NDUFA5: variants seen among roughly 807,000 people sequenced by gnomAD.
NDUFA5 encodes NADH:ubiquinone oxidoreductase subunit A5.
NDUFA5 carries 11 observed loss-of-function variants against 19.8 expected under a neutral mutation model. That is an observed-to-expected ratio of 0.56 (90% confidence interval 0.35 to 0.92). The LOEUF (loss-of-function observed/expected upper bound fraction) is 0.92, where lower values mean the gene tolerates loss of function less well. Among genes scored for constraint, NDUFA5 ranks in the 40% least tolerant of loss-of-function variants. The pLI, the probability that NDUFA5 is intolerant of heterozygous loss-of-function variation, is 0.01. For missense variants in NDUFA5, 109 were observed against 134.2 expected (o/e 0.81, Z 0.93); for synonymous variants, 47 against 46.8 (o/e 1.00, Z -0.01).
At chr7:123,574,811 A>G in the NDUFA5 span, among the ~76,000 whole-genome samples, 2,214 of 152,160 alleles carry the variant, frequency 0.015, 51 homozygotes, top group African/African-American at 0.05. Flanking sequence ...CAGCTTACAC[A>G]TCTTTAAGTA....
chr7:123,576,384 T>C, the NDUFA5 span, among the ~76,000 whole-genome samples: 4 of 152,114 alleles, frequency 2.6e-5, no homozygotes, highest in Non-Finnish European at 5.9e-5. Context: ...TGATCATAAT[T>C]TTCATCTGTT....
At chr7:123,601,037 T>C in the NDUFA5 span, among the ~76,000 whole-genome samples, 3 of 152,146 alleles carry the variant, frequency 2.0e-5, no homozygotes, top group African/African-American at 7.2e-5. Context: ...CACTGAGACC[T>C]GCAAAACGAG....
chr7:123,599,980 G>A, the NDUFA5 span, among the ~76,000 whole-genome samples: 2 of 152,082 alleles, frequency 1.3e-5, no homozygotes, highest in Non-Finnish European at 1.5e-5. Flanking sequence ...CTTTCATAGA[G>A]GCAAATGTGG....
chr7:123,588,733 G>A, the NDUFA5 span, among the ~76,000 whole-genome samples: 1 of 150,244 alleles, frequency 6.7e-6, no homozygotes, highest in Non-Finnish European at 1.5e-5. Flanking sequence ...TTTTAGAATT[G>A]CTTTTGCTAC....
the NDUFA5 span, among the ~76,000 whole-genome samples, chr7:123,570,174 A>G: frequency 6.6e-6 from 1 of 151,626 alleles, no homozygotes. Flanking sequence ...AGCTGGGACC[A>G]CAGGCGCCCG....
intron 3 of NDUFA5, chr7:123,546,683 A>G: frequency 7.8e-7 from 1 of 1,288,658 alleles, no homozygotes; most frequent in Non-Finnish European, 1.0e-6. Flanking sequence ...ACAAGACGTG[A>G]TATGTTACTG....
At chr7:123,564,380 C>T in the NDUFA5 span, among the ~76,000 whole-genome samples, 4 of 151,986 alleles carry the variant, frequency 2.6e-5, no homozygotes, top group Non-Finnish European at 4.4e-5. Context: ...ATTTTTTTCA[C>T]TCAAGCTGTA....
chr7:123,576,795 C>T, the NDUFA5 span, among the ~76,000 whole-genome samples: 2 of 152,170 alleles, frequency 1.3e-5, no homozygotes, highest in Non-Finnish European at 2.9e-5. Context: ...AGATCTGCTG[C>T]CACTAGGTTT....
the NDUFA5 span, among the ~76,000 whole-genome samples, chr7:123,588,017 T>C: frequency 6.6e-6 from 1 of 151,772 alleles, no homozygotes; most frequent in Non-Finnish European, 1.5e-5. Flanking sequence ...TGTCCTTGTC[T>C]GGCTTTGGTA....
the NDUFA5 span, among the ~76,000 whole-genome samples, chr7:123,578,931 G>T: frequency 6.6e-6 from 1 of 151,642 alleles, no homozygotes; most frequent in African/African-American, 2.4e-5. Flanking sequence ...TTTTAGATTC[G>T]GGTGGTACAT....
Position 123,540,564 on chromosome 7 carries a change from T to C in NDUFA5, c.*1555A>G, listed in dbSNP as rs1797892303. On this transcript the variant is annotated 3_prime_UTR_variant, in exon 5 of 5. Transcript: ENST00000355749. ...ATATATTATATATTCAAGAAATGTT[T>C]AGAACTGAAAATGTTGTTATAAATC... 1 of 152,150 alleles carries C rather than the reference T, an allele frequency of 6.6e-6. No homozygotes were observed. The highest frequency in any genetic ancestry group is 2.4e-5 in the African/African-American group (1 of 41,434). 9.4% of individuals were successfully genotyped at this position (152,150 alleles called of 1,614,324 possible). A position where few individuals can be genotyped will look rare whatever the true frequency, so the allele number is the denominator to read the frequency against.
chr7:123,552,523 A>C (rs980038713), intron 2 of NDUFA5, among the ~76,000 whole-genome samples: 2 of 151,746 alleles, frequency 1.3e-5, no homozygotes, highest in Admixed American at 1.3e-4. Flanking sequence ...CATTAGGAGA[A>C]ATACCTAATG....
intron 4 of NDUFA5, among the ~76,000 whole-genome samples, chr7:123,544,344 C>A (rs998023610): frequency 3.3e-5 from 5 of 151,792 alleles, no homozygotes; most frequent in Admixed American, 2.6e-4. Flanking sequence ...ACTAAAAATA[C>A]AAAATTAGCT....
At chr7:123,564,956 CAT>C in the NDUFA5 span, among the ~76,000 whole-genome samples, 27 of 150,406 alleles carry the variant, frequency 1.8e-4, 1 homozygote, top group Non-Finnish European at 3.0e-4. Flanking sequence ...TACATATAAA[CAT>C]ACACACACAC....
intron 2 of NDUFA5, among the ~76,000 whole-genome samples, chr7:123,550,902 G>A (rs1030818608): frequency 2.0e-5 from 3 of 151,990 alleles, no homozygotes; most frequent in Non-Finnish European, 2.9e-5. Context: ...TTGGGAAATC[G>A]AATCATTTAC....
At chr7:123,585,193 A>T in the NDUFA5 span, among the ~76,000 whole-genome samples, 1 of 151,810 alleles carries the variant, frequency 6.6e-6, no homozygotes, top group South Asian at 2.1e-4. Context: ...ATAATCTTGC[A>T]TTTGAATTTT....
chr7:123,549,383 T>C (rs370412429), intron 3 of NDUFA5, among the ~76,000 whole-genome samples: 3 of 152,078 alleles, frequency 2.0e-5, no homozygotes, highest in Admixed American at 6.6e-5. Context: ...AAAACAAAAA[T>C]AGGACAATAA....
the NDUFA5 span, among the ~76,000 whole-genome samples, chr7:123,589,769 A>C: frequency 6.6e-6 from 1 of 152,044 alleles, no homozygotes. Flanking sequence ...GAAGAGGGCC[A>C]CAATAAACAT....
rs1279848590 is a variant in NDUFA5 at position 123,542,152 on chromosome 7, C to G, written c.318G>C (p.Glu106Asp). 1 of 1,611,550 alleles carries G rather than the reference C, an allele frequency of 6.2e-7. No individual in the cohort carries two copies. The highest frequency in any genetic ancestry group is 8.5e-7 in the Non-Finnish European group (1 of 1,179,054). The change falls in exon 5 of 5, where the codon GAG becomes GAC. Residue 106 changes from glutamate (E) to aspartate (D), a missense_variant. Transcript: ENST00000355749. ...GCCATTTCCACTGATCGGCAGGAGG[C>G]TCTTCCACTAATGGCTCCCATAGTT... The part of the protein sequence containing the change: ...EWKLWEPLVE[E>D]PPADQWKWPI
Sources: gnomAD v4.1 joint callset for allele counts (sites outside exome capture counted in the v4.1 genomes callset) on GRCh38, gnomAD v4.1.1 for gene constraint, MANE v1.5 for transcripts, NCBI Gene and HGNC (gene_info 2026-07-23, HGNC 2026-07-21) for gene names.